The following DCBLD2 variants were observed in gnomAD, a reference collection of about 807,000 sequenced individuals.
DCBLD2 encodes discoidin, CUB and LCCL domain containing 2.
Under a neutral mutation model 86.8 loss-of-function variants are expected in DCBLD2, and 54 were observed. The ratio of observed to expected loss-of-function variants is 0.62; its 90% CI spans 0.50 to 0.78. The LOEUF (loss-of-function observed/expected upper bound fraction) is 0.78. Ranked by LOEUF, DCBLD2 falls within the 30% of genes least tolerant of loss-of-function variation. The pLI, the probability that DCBLD2 is intolerant of heterozygous loss-of-function variation, is 0.00. For missense variants in DCBLD2, 908 were observed against 954.2 expected, an observed-to-expected ratio of 0.95 and a Z score of 0.64; for synonymous variants, 354 against 341.3, an observed-to-expected ratio of 1.04 and a Z score of -0.41.
intron 2 of DCBLD2, among the ~76,000 whole-genome samples, chr3:98,869,618 G>A (rs190340919): frequency 5.9e-5 from 9 of 152,286 alleles, no homozygotes; most frequent in East Asian, 5.8e-4. Flanking sequence ...TGCTGCCAGC[G>A]CTCATTTAAT....
chr3:98,894,189 G>A (rs1943712127), intron 1 of DCBLD2, among the ~76,000 whole-genome samples: 1 of 152,142 alleles, frequency 6.6e-6, no homozygotes. Flanking sequence ...CTAATGTCAG[G>A]CCTAACATCG....
chr3:98,798,995 T>C lies in DCBLD2; in HGVS notation c.*377A>G, dbSNP rs1941664469. The C allele has an allele frequency of 5.6e-5, 10 of 178,972 alleles. No homozygotes were observed. In the South Asian group the frequency reaches 1.1e-3, roughly 20 times the overall value. The allele number at this position is 178,972 out of a possible 1,614,324, so 11.1% of individuals were successfully genotyped here. ...AAGCCATTAGGTATTTCAAGAACAG[T>C]ACCGTGCGTTATTGCCAGTCAGGCT... On this transcript the variant is annotated 3_prime_UTR_variant, in exon 16 of 16. Transcript: ENST00000326840.
chr3:98,852,243 A>G (rs1467446105), intron 2 of DCBLD2, among the ~76,000 whole-genome samples: 1 of 95,176 alleles, frequency 1.1e-5, no homozygotes, highest in Non-Finnish European at 2.0e-5. Context: ...TGCTTCTAGG[A>G]TATTTCTTTT....
chr3:98,869,936 A>G (rs1229337888), intron 2 of DCBLD2, among the ~76,000 whole-genome samples: 1 of 152,224 alleles, frequency 6.6e-6, no homozygotes, highest in African/African-American at 2.4e-5. Context: ...TAAATAGGAT[A>G]ATGTCTTTTG....
chr3:98,812,338 G>T lies in DCBLD2; in HGVS notation c.1357C>A (p.Pro453Thr). 1.9e-6 allele frequency: 3 copies of T among 1,613,074 alleles called. No homozygotes were observed. Among genetic ancestry groups the T allele is most frequent in the Non-Finnish European group, 2.5e-6 (3 of 1,179,472 alleles). ...KMELLGCQFI[P>T]KGRPPKLTQP... ...AAACGAACTGTCTCTTTACCTTTAG[G>T]AATAAACTGACATCCGAGCAGCTCC... The change falls in exon 10 of 16, where the codon CCT becomes ACT. Residue 453 changes from proline (P) to threonine (T), a missense_variant. Physicochemically the swap from Pro to Thr is conservative, Grantham distance 38. Around this residue, in one of 3 missense-constraint regions of DCBLD2, gnomAD observed 606 missense variants for 678.5 expected, o/e 0.89. Transcript: ENST00000326840.
chr3:98,871,350 T>C (rs551905125), intron 2 of DCBLD2, among the ~76,000 whole-genome samples: 1 of 152,292 alleles, frequency 6.6e-6, no homozygotes, highest in African/African-American at 2.4e-5. Context: ...GTGGGCATTC[T>C]TGTCTTGTTC....
intron 2 of DCBLD2, among the ~76,000 whole-genome samples, chr3:98,857,025 C>T (rs865888935): frequency 6.6e-6 from 1 of 152,172 alleles, no homozygotes; most frequent in Non-Finnish European, 1.5e-5. Context: ...GTGAGTGTTA[C>T]GGTTCTTAAA....
chr3:98,842,490 T>C (rs753401359), intron 3 of DCBLD2, among the ~76,000 whole-genome samples: 1 of 152,192 alleles, frequency 6.6e-6, no homozygotes, highest in Non-Finnish European at 1.5e-5. Flanking sequence ...CAGAGCCAAT[T>C]AACATTTACT....
At chr3:98,832,777 T>A (rs1265368124) in intron 3 of DCBLD2, among the ~76,000 whole-genome samples, 1 of 152,224 alleles carries the variant, frequency 6.6e-6, no homozygotes, top group Non-Finnish European at 1.5e-5. Context: ...TCTCTTCCAG[T>A]TTGCAGGGTT....
intron 12 of DCBLD2, among the ~76,000 whole-genome samples, chr3:98,808,631 G>A (rs1941882258): frequency 6.6e-6 from 1 of 151,996 alleles, no homozygotes; most frequent in East Asian, 1.9e-4. Flanking sequence ...AGAAATACAA[G>A]TTAAACAACC....
At chr3:98,832,679 T>C (rs1291688404) in intron 3 of DCBLD2, among the ~76,000 whole-genome samples, 3 of 152,210 alleles carry the variant, frequency 2.0e-5, no homozygotes, top group Non-Finnish European at 2.9e-5. Context: ...AGAATCTTAT[T>C]TCTCCTTTGC....
intron 7 of DCBLD2, among the ~76,000 whole-genome samples, chr3:98,819,857 G>A (rs1167902296): frequency 1.3e-5 from 2 of 152,052 alleles, no homozygotes; most frequent in Non-Finnish European, 2.9e-5. Flanking sequence ...TTTATTCATT[G>A]CTTATCATCA....
intron 3 of DCBLD2, among the ~76,000 whole-genome samples, chr3:98,839,474 G>T (rs933705311): frequency 6.6e-6 from 1 of 152,138 alleles, no homozygotes; most frequent in South Asian, 2.1e-4. Context: ...GAATTGTATG[G>T]TGTGTGAATT....
intron 10 of DCBLD2, 134 bp downstream of exon 10, chr3:98,812,198 C>G (rs1197527411): frequency 8.1e-7 from 1 of 1,227,518 alleles, no homozygotes; most frequent in Non-Finnish European, 1.1e-6. Context: ...TTTTAACATC[C>G]CTTTAAGAAG....
intron 1 of DCBLD2, among the ~76,000 whole-genome samples, chr3:98,883,011 T>C (rs543371592): frequency 8.9e-4 from 136 of 152,312 alleles, no homozygotes; most frequent in African/African-American, 2.9e-3. Flanking sequence ...TCTTCCACAA[T>C]GGTTGAACTA....
At chr3:98,880,363 A>C (rs538832417) in intron 2 of DCBLD2, among the ~76,000 whole-genome samples, 1 of 152,356 alleles carries the variant, frequency 6.6e-6, no homozygotes, top group African/African-American at 2.4e-5. Flanking sequence ...AATGTTTCTA[A>C]ATAAACTCAC....
intron 2 of DCBLD2, among the ~76,000 whole-genome samples, chr3:98,850,276 C>G (rs1225647599): frequency 2.0e-5 from 3 of 152,178 alleles, no homozygotes; most frequent in African/African-American, 7.2e-5. Flanking sequence ...TGTCTTGGGC[C>G]ACACATAAAA....
In DCBLD2 at chr3:98,798,137, T is replaced by G. The variant is rs828607; in HGVS notation, c.*1235A>C. On this transcript the variant is annotated 3_prime_UTR_variant, in exon 16 of 16. Coordinates refer to ENST00000326840, the MANE Select transcript of DCBLD2 (RefSeq NM_080927.4). The stretch of plus-strand genomic sequence containing the variant: ...CAAGGCATGAATATTCATTTGCTAG[T>G]AAGCTATAATGTCTGTTCCCTAGGT... 0.97 allele frequency: 147,976 copies of G among 152,290 alleles called. 72,049 individuals carry two copies. The highest frequency in any genetic ancestry group is 1 in the East Asian group (5,178 of 5,178). The allele number at this position is 152,290 out of a possible 1,614,324, so 9.4% of individuals were successfully genotyped here. A position where few individuals can be genotyped will look rare whatever the true frequency, so the allele number is the denominator to read the frequency against.
Position 98,799,336 on chromosome 3 carries a change from C to A in DCBLD2, c.*36G>T. 6.5e-7 allele frequency: 1 copy of A among 1,545,176 alleles called. No individual in the cohort carries two copies. Among genetic ancestry groups the A allele is most frequent in the Non-Finnish European group, 8.7e-7 (1 of 1,146,588 alleles). ...ATAATTAAAAAAAAAAGGCCATGTG[C>A]TTTAAAACGATGCTTTGTAAAAAGC... On this transcript the variant is annotated 3_prime_UTR_variant, in exon 16 of 16. Transcript: ENST00000326840.
Sources: gnomAD v4.1 joint callset for allele counts (sites outside exome capture counted in the v4.1 genomes callset) on GRCh38, gnomAD v4.1.1 for gene constraint, gnomAD v4.1.1 regional missense constraint, MANE v1.5 for transcripts, NCBI Gene and HGNC (gene_info 2026-07-23, HGNC 2026-07-21) for gene names.